Variants in RELL1 observed in about 807,000 individuals in gnomAD.
RELL1 encodes the protein RELT-like protein 1.
RELL1 carries 10 observed loss-of-function variants against 23.0 expected under a neutral mutation model. The observed-to-expected ratio is 0.43, with a 90% CI of 0.27 to 0.74. The LOEUF (loss-of-function observed/expected upper bound fraction) is 0.74. Among genes scored for constraint, RELL1 ranks in the 30% least tolerant of loss-of-function variants. The probability of loss-of-function intolerance (pLI) is 0.19; values close to 1 mark genes in which losing one functional copy is unlikely to be tolerated. For missense variants in RELL1, 315 were observed against 364.4 expected (o/e 0.86, Z 1.10); for synonymous variants, 146 against 146.8 (o/e 0.99, Z 0.04).
At chr4:37,603,155 C>A (rs75928724) in intron 6 of RELL1, among the ~76,000 whole-genome samples, 3 of 152,304 alleles carry the variant, frequency 2.0e-5, no homozygotes, top group Non-Finnish European at 2.9e-5. Context: ...CACCAACCCC[C>A]CAACGGCCGT....
chr4:37,622,199 A>C (rs530400219), intron 6 of RELL1, among the ~76,000 whole-genome samples: 9 of 152,342 alleles, frequency 5.9e-5, no homozygotes, highest in African/African-American at 1.7e-4. Flanking sequence ...CACTAACTTC[A>C]ATAAAAAACA....
intron 1 of RELL1, among the ~76,000 whole-genome samples, chr4:37,662,558 G>A (rs1007133344): frequency 1.0e-4 from 15 of 146,520 alleles, no homozygotes; most frequent in African/African-American, 3.6e-4. Context: ...CTTGAGTGAT[G>A]TCAATATAAA....
chr4:37,607,404 A>T (rs1719255696), downstream of RELL1, among the ~76,000 whole-genome samples: 1 of 152,292 alleles, frequency 6.6e-6, no homozygotes, highest in Middle Eastern at 3.4e-3. Flanking sequence ...GTCCAAAATT[A>T]TCTTCAAATT....
intron 6 of RELL1, among the ~76,000 whole-genome samples, chr4:37,592,118 A>G (rs1351194409): frequency 6.6e-6 from 1 of 151,258 alleles, no homozygotes; most frequent in Non-Finnish European, 1.5e-5. Flanking sequence ...TGAGGCAAGG[A>G]GAATCACTTG....
intron 6 of RELL1, among the ~76,000 whole-genome samples, chr4:37,620,464 A>G (rs184258944): frequency 2.6e-5 from 4 of 152,368 alleles, no homozygotes; most frequent in African/African-American, 9.6e-5. Flanking sequence ...ACTGACATCA[A>G]AAGTTATTCT....
chr4:37,670,059 AAAAAAAAAAAAG>A (rs1263637768), intron 1 of RELL1, among the ~76,000 whole-genome samples: 2 of 149,566 alleles, frequency 1.3e-5, no homozygotes, highest in East Asian at 1.9e-4. Context: ...ATAAATATAA[AAAAAAAAAAAAG>A]AAAGAAAAAA....
intron 1 of RELL1, among the ~76,000 whole-genome samples, chr4:37,682,122 G>A (rs1722248137): frequency 6.6e-6 from 1 of 152,140 alleles, no homozygotes; most frequent in East Asian, 1.9e-4. Context: ...GTATATAACT[G>A]ACAGGAAATT....
At chr4:37,629,667 C>CA (rs1174205722) in intron 6 of RELL1, among the ~76,000 whole-genome samples, 2 of 152,162 alleles carry the variant, frequency 1.3e-5, no homozygotes, top group African/African-American at 4.8e-5. Context: ...TCCCCACAGG[C>CA]AAAACCGCGA....
intron 3 of RELL1, among the ~76,000 whole-genome samples, chr4:37,645,597 A>G (rs1167381034): frequency 1.3e-5 from 2 of 152,218 alleles, no homozygotes; most frequent in Non-Finnish European, 2.9e-5. Flanking sequence ...ATTAGAAGAC[A>G]GGAGGGACAA....
At chr4:37,606,121 AGG>A (rs1299779743), downstream of RELL1, among the ~76,000 whole-genome samples, 4 of 146,490 alleles carry the variant, frequency 2.7e-5, no homozygotes, top group African/African-American at 1.0e-4. This position sits in a 1 kb window ranked among gnomAD's most constrained non-coding sequence, Gnocchi z 4.1. Context: ...GAGGAGGAGA[AGG>A]AGGAGGAGAA....
chr4:37,643,837 T>G (rs1207862181), intron 3 of RELL1, among the ~76,000 whole-genome samples: 1 of 152,226 alleles, frequency 6.6e-6, no homozygotes. Context: ...GCTGTGGTTT[T>G]GGTGCAGGCT....
rs138795250 is a variant in RELL1, at chr4:37,614,958, T to C, written c.*4-1616A>G. Among the ~76,000 whole-genome samples, 16 of 152,244 alleles carry C rather than the reference T, an allele frequency of 1.1e-4. No individual in the cohort carries two copies. In the Middle Eastern group the frequency reaches 0.024, roughly 227 times the overall value. ...TTTGACCGGCTTTAAGAACTGGGCA[T>C]GCAAGAATACAGGCTAAGCTAAAAA... On this transcript the variant is annotated intron_variant, in intron 6 of 6. Coordinates refer to ENST00000454158, the MANE Select transcript of RELL1 (RefSeq NM_001085400.2).
At chr4:37,607,976 AATTATT>A (rs956655172), downstream of RELL1, among the ~76,000 whole-genome samples, 7 of 152,174 alleles carry the variant, frequency 4.6e-5, no homozygotes, top group East Asian at 9.6e-4. Flanking sequence ...CTTTTCAATT[AATTATT>A]ATTATATCTA....
chr4:37,660,184 A>G (rs1164225426), intron 1 of RELL1, among the ~76,000 whole-genome samples: 2 of 151,854 alleles, frequency 1.3e-5, no homozygotes, highest in Non-Finnish European at 2.9e-5. Flanking sequence ...CTAAATGTTC[A>G]TTTCTCTAAA....
rs1399067349 is a variant in RELL1, at chr4:37,669,592, G to C, written c.88+16608C>G. 5.3e-5 allele frequency among the ~76,000 whole-genome samples: 8 copies of C among 152,326 alleles called. No individual in the cohort carries two copies. In the South Asian group the frequency reaches 1.7e-3, roughly 32 times the overall value. On this transcript the variant is annotated intron_variant, in intron 1 of 6. Transcript: ENST00000454158. ...AATGGCAGTTTTGTGGAATAGAAAGGGGGGAAAGGTGGGGAAAAGATGGAG... is the reference window on the plus strand; with the variant it reads ...AATGGCAGTTTTGTGGAATAGAAAGCGGGGAAAGGTGGGGAAAAGATGGAG...
intron 6 of RELL1, among the ~76,000 whole-genome samples, chr4:37,624,442 CAG>C (rs1719872430): frequency 1.6e-5 from 2 of 127,208 alleles, no homozygotes; most frequent in South Asian, 2.5e-4. Flanking sequence ...TTTTTTGAGG[CAG>C]AGTCTCCCTC....
intron 1 of RELL1, among the ~76,000 whole-genome samples, chr4:37,681,654 C>T (rs1722230246): frequency 6.6e-6 from 1 of 151,660 alleles, no homozygotes; most frequent in South Asian, 2.1e-4. Context: ...TCAGCCTCCC[C>T]AGTAGCTGGG....
At chr4:37,591,888 C>T (rs1718624489) in intron 6 of RELL1, 1 of 152,102 alleles carries the variant, frequency 6.6e-6, no homozygotes, top group Non-Finnish European at 1.5e-5. Context: ...ATATCAGTGA[C>T]CCTGGATGTT....
chr4:37,639,773 G>C (rs1298493301), intron 3 of RELL1, among the ~76,000 whole-genome samples: 5 of 152,204 alleles, frequency 3.3e-5, no homozygotes, highest in Non-Finnish European at 5.9e-5. Flanking sequence ...AGAGAGGAAA[G>C]AACAAATAAA....
Sources: allele counts gnomAD v4.1 joint callset (sites outside exome capture counted in the v4.1 genomes callset), GRCh38; gene constraint gnomAD v4.1.1; non-coding constraint Gnocchi (gnomAD v3.1); transcripts MANE v1.5; gene names NCBI Gene and HGNC (gene_info 2026-07-23, HGNC 2026-07-21).